The following CSMD1 variants were observed in gnomAD, a reference collection of about 807,000 sequenced individuals.
CSMD1 encodes the protein CUB and sushi domain-containing protein 1.
In CSMD1, 213 loss-of-function variants were observed where a neutral mutation model predicts 417.5. The observed-to-expected ratio is 0.51, with a 90% confidence interval of 0.46 to 0.57. The LOEUF (loss-of-function observed/expected upper bound fraction) is 0.57. Among genes scored for constraint, CSMD1 ranks in the 20% least tolerant of loss-of-function variants. The pLI is 0.00. For synonymous variants in CSMD1, 2,862 were observed against 1,736.8 expected (o/e 1.65, Z -16.11); for missense variants, 6,923 against 4,529.7 (o/e 1.53, Z -15.17).
chr8:3,315,205 G>A (rs1563263454), intron 23 of CSMD1, among the ~76,000 whole-genome samples: 1 of 152,076 alleles, frequency 6.6e-6, no homozygotes, highest in African/African-American at 2.4e-5. Context: ...TCAGTGTAAA[G>A]AACTGCATTA....
chr8:3,306,040 A>G (rs1398140220), intron 25 of CSMD1, among the ~76,000 whole-genome samples: 2 of 152,190 alleles, frequency 1.3e-5, no homozygotes, highest in African/African-American at 4.8e-5. Flanking sequence ...TTTGCATTCT[A>G]GATATGCTTT....
chr8:3,142,370 G>C (rs1818555772), intron 41 of CSMD1, 95 bp downstream of exon 41: 15 of 1,091,704 alleles, frequency 1.4e-5, no homozygotes, highest in Middle Eastern at 2.7e-4. Context: ...ACTCGTACAA[G>C]CTTGGAACCA....
At chr8:4,577,593 C>G (rs1041348040) in intron 2 of CSMD1, among the ~76,000 whole-genome samples, 1 of 152,172 alleles carries the variant, frequency 6.6e-6, no homozygotes, top group African/African-American at 2.4e-5. Context: ...CAGGCAGGAT[C>G]CAGTATCTCT....
intron 3 of CSMD1, among the ~76,000 whole-genome samples, chr8:4,400,635 T>G (rs910552983): frequency 6.6e-6 from 1 of 152,236 alleles, no homozygotes; most frequent in Non-Finnish European, 1.5e-5. Context: ...ACCTGCAATC[T>G]TGAAGTCTTT....
At chr8:4,956,374 G>A (rs1428610749) in intron 1 of CSMD1, among the ~76,000 whole-genome samples, 3 of 150,092 alleles carry the variant, frequency 2.0e-5, no homozygotes, top group African/African-American at 4.9e-5. Flanking sequence ...AAGATAGGAT[G>A]ATATAAGATG....
chr8:3,146,291 G>C (rs958612750), intron 40 of CSMD1, among the ~76,000 whole-genome samples: 15 of 151,988 alleles, frequency 9.9e-5, no homozygotes, highest in Admixed American at 2.6e-4. Flanking sequence ...AGTTGGTTGA[G>C]CTCTGCCAGA....
chr8:3,294,896 C>T (rs530376587), intron 25 of CSMD1, among the ~76,000 whole-genome samples: 93 of 152,156 alleles, frequency 6.1e-4, no homozygotes, highest in African/African-American at 2.0e-3. Context: ...ATGGAGAAAT[C>T]GCCCGTCTTC....
chr8:3,706,473 G>A (rs1225563588), intron 7 of CSMD1, among the ~76,000 whole-genome samples: 1 of 152,174 alleles, frequency 6.6e-6, no homozygotes, highest in Admixed American at 6.5e-5. Flanking sequence ...TTTCCCTAAT[G>A]ATTAATTCCC....
At chr8:4,302,853 C>A (rs772868492) in intron 3 of CSMD1, among the ~76,000 whole-genome samples, 1 of 152,060 alleles carries the variant, frequency 6.6e-6, no homozygotes, top group Non-Finnish European at 1.5e-5. Context: ...CCAGGACTAG[C>A]AGGCAGGACC....
chr8:3,933,790 T>C (rs1482984830), intron 5 of CSMD1, among the ~76,000 whole-genome samples: 1 of 152,216 alleles, frequency 6.6e-6, no homozygotes, highest in Non-Finnish European at 1.5e-5. Context: ...TATATTTATT[T>C]TTATAATTCA....
intron 1 of CSMD1, among the ~76,000 whole-genome samples, chr8:4,785,206 G>A (rs1797339263): frequency 1.3e-5 from 2 of 152,140 alleles, no homozygotes; most frequent in South Asian, 2.1e-4. Flanking sequence ...GCTGCTCCTA[G>A]AAGATTGTAC....
intron 2 of CSMD1, among the ~76,000 whole-genome samples, chr8:4,446,194 C>T (rs1388793316): frequency 6.6e-6 from 1 of 152,194 alleles, no homozygotes; most frequent in East Asian, 1.9e-4. Flanking sequence ...AAACAAAAGA[C>T]ATTTTGTTTT....
chr8:4,500,044 T>C (rs891340082), intron 2 of CSMD1, among the ~76,000 whole-genome samples: 34 of 151,170 alleles, frequency 2.2e-4, no homozygotes, highest in African/African-American at 7.5e-4. Flanking sequence ...GTGAAAAGTA[T>C]AAAGAGGCTG....
At chr8:4,990,907 C>G (rs779406404) in intron 1 of CSMD1, among the ~76,000 whole-genome samples, 49 of 152,196 alleles carry the variant, frequency 3.2e-4, no homozygotes, top group Non-Finnish European at 6.2e-4. Context: ...TCTCTGGAAA[C>G]TCAGCAGTGC....
chr8:3,902,171 T>C (rs1275998962), intron 5 of CSMD1, among the ~76,000 whole-genome samples: 1 of 152,210 alleles, frequency 6.6e-6, no homozygotes, highest in Non-Finnish European at 1.5e-5. Flanking sequence ...ACATTGCTAC[T>C]AATAAAATGG....
In CSMD1 at chr8:4,928,373, T is replaced by C. The variant is rs1303219989; in HGVS notation, c.85+65959A>G. 2.0e-5 allele frequency among the ~76,000 whole-genome samples: 3 copies of C among 152,224 alleles called. No individual in the cohort carries two copies. In the East Asian group the frequency reaches 5.8e-4, roughly 29 times the overall value. On this transcript the variant is annotated intron_variant, in intron 1 of 69. Coordinates refer to ENST00000635120, the MANE Select transcript of CSMD1 (RefSeq NM_033225.6). ...TCTGTGGTTATTTAGTTATTTACTATCTTCTCTGACTATGCAAGAGCTGGG... is the reference window on the plus strand; with the variant it reads ...TCTGTGGTTATTTAGTTATTTACTACCTTCTCTGACTATGCAAGAGCTGGG...
Position 4,156,269 on chromosome 8 carries a change from A to C in CSMD1, c.416-124170T>G, listed in dbSNP as rs555696595. Among the ~76,000 whole-genome samples, 35 of 152,234 alleles carry C rather than the reference A, an allele frequency of 2.3e-4. No individual in the cohort carries two copies. In the South Asian group the frequency reaches 7.3e-3, roughly 32 times the overall value. ...TTTTACTAACTTTTTAATTATGGCT[A>C]AAGAGTTGATGGGGTTGAAAATGCT... On this transcript the variant is annotated intron_variant, in intron 3 of 69. Coordinates refer to ENST00000635120, the MANE Select transcript of CSMD1 (RefSeq NM_033225.6).
At chr8:4,338,706 A>G (rs1303898774) in intron 3 of CSMD1, among the ~76,000 whole-genome samples, 1 of 152,124 alleles carries the variant, frequency 6.6e-6, no homozygotes, top group Admixed American at 6.6e-5. Context: ...CGGTTCTACA[A>G]GTATTTTTTT....
intron 8 of CSMD1, among the ~76,000 whole-genome samples, chr8:3,610,228 T>C (rs1801823500): frequency 6.6e-6 from 1 of 152,078 alleles, no homozygotes; most frequent in African/African-American, 2.4e-5. Flanking sequence ...GGAACATAAA[T>C]AGTAGATATA....
Sources: gnomAD v4.1 joint callset for allele counts (sites outside exome capture counted in the v4.1 genomes callset) on GRCh38, gnomAD v4.1.1 for gene constraint, MANE v1.5 for transcripts, NCBI Gene and HGNC (gene_info 2026-07-23, HGNC 2026-07-21) for gene names.